The following NELL2 variants were observed in gnomAD, a reference collection of about 807,000 sequenced individuals.
NELL2 encodes protein kinase C-binding protein NELL2.
Under a neutral mutation model 109.6 loss-of-function variants are expected in NELL2, and 41 were observed. That is an observed-to-expected ratio of 0.37 (90% CI 0.29 to 0.49). NELL2 has a LOEUF of 0.49. Ranked by LOEUF, NELL2 falls within the 20% of genes least tolerant of loss-of-function variation. The probability of loss-of-function intolerance (pLI) is 0.98; values close to 1 mark genes in which losing one functional copy is unlikely to be tolerated. For missense variants in NELL2, 900 were observed against 1,008.3 expected, an observed-to-expected ratio of 0.89 and a Z score of 1.45; for synonymous variants, 355 against 344.7, an observed-to-expected ratio of 1.03 and a Z score of -0.33.
At chr12:44,535,973 T>C (rs1942277816) in intron 15 of NELL2, among the ~76,000 whole-genome samples, 1 of 151,998 alleles carries the variant, frequency 6.6e-6, no homozygotes, top group African/African-American at 2.4e-5. Context: ...TGCTATCATT[T>C]AGAATAAGGA....
intron 9 of NELL2, among the ~76,000 whole-genome samples, chr12:44,725,007 CA>C (rs1359594464): frequency 6.6e-6 from 1 of 151,876 alleles, no homozygotes; most frequent in Admixed American, 6.6e-5. Context: ...ACAAAAAAAA[CA>C]AGCAATAAGG....
chr12:44,836,764 A>G (rs988429902), intron 2 of NELL2, among the ~76,000 whole-genome samples: 3 of 152,218 alleles, frequency 2.0e-5, no homozygotes, highest in South Asian at 4.1e-4. Flanking sequence ...GGGGTCTACA[A>G]TGCCGAAGTT....
intron 13 of NELL2, among the ~76,000 whole-genome samples, chr12:44,644,037 T>C (rs1403680233): frequency 6.6e-6 from 1 of 152,036 alleles, no homozygotes; most frequent in Non-Finnish European, 1.5e-5. Flanking sequence ...TCAAAGAACA[T>C]TTGGGCTGTA....
chr12:44,911,119 C>T (rs1009950556), intron 1 of NELL2, among the ~76,000 whole-genome samples: 32 of 151,960 alleles, frequency 2.1e-4, no homozygotes, highest in African/African-American at 6.7e-4. Context: ...CAAATCTGCA[C>T]GTGTACTCCC....
chr12:44,767,724 A>T (rs956945813), intron 9 of NELL2, among the ~76,000 whole-genome samples: 18 of 152,194 alleles, frequency 1.2e-4, no homozygotes, highest in African/African-American at 3.6e-4. Context: ...TCTCCAATAT[A>T]TGTTATTAAC....
In NELL2 at chr12:44,568,321, A is replaced by G. The variant is rs982210337; in HGVS notation, c.1664-35600T>C. On this transcript the variant is annotated intron_variant, in intron 15 of 19. Coordinates refer to ENST00000429094, the MANE Select transcript of NELL2 (RefSeq NM_001145108.2). ...CTTAAGTAATGTGTTTCCAAATTAT[A>G]CTACTTAATGACAAAAACTCTGTAT... 5.3e-5 allele frequency among the ~76,000 whole-genome samples: 8 copies of G among 152,176 alleles called. 1 individual carries two copies. The highest frequency in any genetic ancestry group is 1.9e-4 in the African/African-American group (8 of 41,454).
Position 44,658,718 on chromosome 12 carries a change from T to G in NELL2, c.1444+6766A>C, listed in dbSNP as rs189253905. Among the ~76,000 whole-genome samples, 477 of 150,974 alleles carry G rather than the reference T, an allele frequency of 3.2e-3. 3 individuals are homozygous for G. Among genetic ancestry groups the G allele is most frequent in the Middle Eastern group, 6.9e-3 (2 of 290 alleles). On this transcript the variant is annotated intron_variant, in intron 13 of 19. Coordinates refer to ENST00000429094, the MANE Select transcript of NELL2 (RefSeq NM_001145108.2). ...GGTGAAACCCTGTCTCTACTAAAAA[T>G]ACAAAAAATTAGCTGGGTGAGGTGG...
chr12:44,558,038 C>T (rs1311150583), intron 15 of NELL2, among the ~76,000 whole-genome samples: 2 of 151,998 alleles, frequency 1.3e-5, no homozygotes, highest in African/African-American at 4.8e-5. Context: ...AAAATAGAGA[C>T]GGGAAATACA....
chr12:44,670,092 G>A (rs996644158), intron 12 of NELL2, among the ~76,000 whole-genome samples: 2 of 152,072 alleles, frequency 1.3e-5, no homozygotes, highest in Admixed American at 1.3e-4. Context: ...TCAAAGTGCT[G>A]AAAGAGAAAA....
At chr12:44,609,191 C>A (rs1945517575) in intron 14 of NELL2, among the ~76,000 whole-genome samples, 1 of 151,938 alleles carries the variant, frequency 6.6e-6, no homozygotes, top group Non-Finnish European at 1.5e-5. Context: ...CTCAAGCAAT[C>A]CATCTGCCTT....
At chr12:44,629,038 G>C (rs1288648049) in intron 13 of NELL2, among the ~76,000 whole-genome samples, 1 of 152,166 alleles carries the variant, frequency 6.6e-6, no homozygotes, top group African/African-American at 2.4e-5. Flanking sequence ...CATTTCAAGA[G>C]ACATGATATT....
Position 44,875,316 on chromosome 12 carries a change from G to A in NELL2, c.93C>T (p.Asp31=). The part of the protein sequence containing the change: ...GLGVDPSLQI[D]VLTELELGES... ...CCCCAAGTTCTAACTCTGTTAAGAC[G>A]TCAATCTGTAGGGAAGGGTCCACAC... The change falls in exon 2 of 20, where the codon GAC becomes GAT. Residue 31 remains aspartate (D), a synonymous_variant. Transcript: ENST00000429094. The A allele has an allele frequency of 6.2e-7, 1 of 1,614,154 alleles. No individual in the cohort carries two copies. Among genetic ancestry groups the A allele is most frequent in the East Asian group, 2.2e-5 (1 of 44,874 alleles).
intron 13 of NELL2, among the ~76,000 whole-genome samples, chr12:44,613,270 G>A (rs147548427): frequency 3.7e-4 from 56 of 152,020 alleles, no homozygotes; most frequent in African/African-American, 1.3e-3. Context: ...TTTCTCTTTA[G>A]TTCTCCATTC....
At chr12:44,573,176 G>C (rs1332044274) in intron 15 of NELL2, among the ~76,000 whole-genome samples, 1 of 152,166 alleles carries the variant, frequency 6.6e-6, no homozygotes, top group East Asian at 1.9e-4. Context: ...AGCCCATTAG[G>C]CTCTCAAGCC....
At chr12:44,702,427 C>T (rs1009357777) in intron 12 of NELL2, among the ~76,000 whole-genome samples, 21 of 151,914 alleles carry the variant, frequency 1.4e-4, no homozygotes, top group Admixed American at 3.9e-4. Context: ...TCAAAAGCAG[C>T]TCAAAATTTA....
intron 2 of NELL2, among the ~76,000 whole-genome samples, chr12:44,836,753 A>AG: frequency 6.6e-6 from 1 of 152,340 alleles, no homozygotes; most frequent in Admixed American, 6.5e-5. Flanking sequence ...GAACAGAGTG[A>AG]GGGGTCTACA....
intron 15 of NELL2, among the ~76,000 whole-genome samples, chr12:44,542,720 C>A (rs1412267719): frequency 6.6e-6 from 1 of 152,132 alleles, no homozygotes; most frequent in Non-Finnish European, 1.5e-5. Flanking sequence ...CCAGACTTTC[C>A]TGTTTCAGTC....
intron 1 of NELL2, among the ~76,000 whole-genome samples, chr12:44,888,846 A>AT (rs1484061938): frequency 3.3e-5 from 5 of 151,632 alleles, no homozygotes; most frequent in South Asian, 4.1e-4. Flanking sequence ...AAAATAAAAA[A>AT]AAAATAAATA....
intron 2 of NELL2, among the ~76,000 whole-genome samples, chr12:44,863,930 T>C (rs1460679093): frequency 6.6e-6 from 1 of 151,750 alleles, no homozygotes. Context: ...AGGCAGGGAG[T>C]TGGCTGTAAA....
Sources: allele counts gnomAD v4.1 joint callset (sites outside exome capture counted in the v4.1 genomes callset), GRCh38; gene constraint gnomAD v4.1.1; transcripts MANE v1.5; gene names NCBI Gene and HGNC (gene_info 2026-07-23, HGNC 2026-07-21).